The following CA6 variants were observed in gnomAD, a reference collection of about 807,000 sequenced individuals.
The protein encoded by CA6 is carbonate dehydratase VI.
Under a neutral mutation model 35.9 loss-of-function variants are expected in CA6, and 28 were observed. That is an observed-to-expected ratio of 0.78 (90% CI 0.58 to 1.07). The LOEUF (loss-of-function observed/expected upper bound fraction) is 1.07. CA6 is among the 50% of genes least tolerant of loss of function. The probability of loss-of-function intolerance (pLI) is 0.00; values close to 1 mark genes in which losing one functional copy is unlikely to be tolerated. For missense variants in CA6, 377 were observed against 382.0 expected (o/e 0.99, Z 0.11); for synonymous variants, 148 against 152.6 (o/e 0.97, Z 0.22).
rs758491150 is a variant in CA6 at position 8,974,623 on chromosome 1, A to C, written c.846A>C (p.Glu282Asp). ...RVVESNFPNQ[E>D]YTLGSEFQFY... ...TCCGACTAACTCTTCTTTTTACAGA[A>C]TACACTCTAGGCTCTGAATTCCAGT... The change falls in exon 8 of 8, where the codon GAA becomes GAC. Residue 282 changes from glutamate to aspartate, a missense_variant and splice_region_variant. Coordinates refer to ENST00000377443, the MANE Select transcript of CA6 (RefSeq NM_001215.4). 2 of 1,599,800 alleles carry C rather than the reference A, an allele frequency of 1.3e-6. No individual in the cohort carries two copies. Among genetic ancestry groups the C allele is most frequent in the Admixed American group, 3.4e-5 (2 of 58,924 alleles).
chr1:8,969,293 C>G (rs529581031), intron 6 of CA6, among the ~76,000 whole-genome samples: 1 of 152,150 alleles, frequency 6.6e-6, no homozygotes, highest in South Asian at 2.1e-4. Flanking sequence ...CCAGCCTGGG[C>G]AACAGGGCAA....
chr1:8,974,369 T>A (rs763472285), intron 7 of CA6: 2 of 1,532,502 alleles, frequency 1.3e-6, no homozygotes. Context: ...GGGGGCATCG[T>A]GGGAGAAGCC....
At chr1:8,953,710 G>A (rs899454827) in intron 2 of CA6, among the ~76,000 whole-genome samples, 1 of 152,156 alleles carries the variant, frequency 6.6e-6, no homozygotes, top group Non-Finnish European at 1.5e-5. Flanking sequence ...ATTACCAAGA[G>A]CTTGCTTGAT....
intron 2 of CA6, chr1:8,951,815 T>C (rs1009667946): frequency 1.3e-5 from 5 of 370,830 alleles, no homozygotes; most frequent in African/African-American, 9.8e-5. Context: ...ATTATATATA[T>C]ATTAAAAACA....
At chr1:8,957,977 T>C (rs1181528530) in intron 3 of CA6, among the ~76,000 whole-genome samples, 2 of 151,870 alleles carry the variant, frequency 1.3e-5, no homozygotes, top group Admixed American at 1.3e-4. Flanking sequence ...GACTGTGCGA[T>C]GGTAGCAGTT....
intron 1 of CA6, 66 bp downstream of exon 1, chr1:8,946,031 T>C: frequency 1.1e-6 from 1 of 943,048 alleles, no homozygotes; most frequent in Non-Finnish European, 1.6e-6. Flanking sequence ...ACAAGTGCCC[T>C]TCTTCTTCTT....
chr1:8,959,114 T>C lies in CA6; in HGVS notation c.501+112T>C, dbSNP rs1178614964. 7.3e-6 allele frequency: 5 copies of C among 683,780 alleles called. No individual in the cohort carries two copies. The Admixed American group carries it at 1.2e-4, about 16-fold the overall frequency. The allele number at this position is 683,780 out of a possible 1,614,324, so 42.4% of individuals were successfully genotyped here. On this transcript the variant is annotated intron_variant, in intron 4 of 7. Transcript: ENST00000377443. The stretch of plus-strand genomic sequence containing the variant: ...TTTATTATCACTCTTCATCTTTTCC[T>C]GAGCTCACAGTTCTTGGAAACATTG...
chr1:8,957,411 G>A, intron 3 of CA6, 126 bp downstream of exon 3: 1 of 855,120 alleles, frequency 1.2e-6, no homozygotes. Context: ...CACAATCTCA[G>A]CTCACTGCAA....
At chr1:8,954,809 A>T (rs1639630707) in intron 2 of CA6, among the ~76,000 whole-genome samples, 1 of 152,182 alleles carries the variant, frequency 6.6e-6, no homozygotes, top group East Asian at 1.9e-4. Flanking sequence ...CCCTGACCTC[A>T]GGTGATCTGC....
chr1:8,950,265 C>T (rs1350859954), intron 2 of CA6, among the ~76,000 whole-genome samples: 6 of 151,908 alleles, frequency 3.9e-5, no homozygotes, highest in Non-Finnish European at 8.8e-5. Context: ...ATTACAGGCA[C>T]GAGCCACCAT....
In CA6 at chr1:8,967,483, C is replaced by T. The variant is rs559322160; in HGVS notation, c.572-176C>T. 2.0e-3 allele frequency among the ~76,000 whole-genome samples: 298 copies of T among 152,268 alleles called. 7 individuals are homozygous for T. Among genetic ancestry groups the T allele is most frequent in the Admixed American group, 0.019 (290 of 15,284 alleles). The stretch of plus-strand genomic sequence containing the variant: ...GTCTGAGTGCGTCTATCCCCAAAGT[C>T]TCTCCTCTCAATCCCTTCCAGGAAG... On this transcript the variant is annotated intron_variant, in intron 5 of 7. Coordinates refer to ENST00000377443, the MANE Select transcript of CA6 (RefSeq NM_001215.4).
At chr1:8,970,808 AT>A in intron 6 of CA6, 58 bp from the exon 7 acceptor site, 1 of 1,108,942 alleles carries the variant, frequency 9.0e-7, no homozygotes, top group South Asian at 1.2e-5. Context: ...GCCAACTGTT[AT>A]TTCTTTTAAA....
At chr1:8,958,619 C>T (rs1354258663) in intron 3 of CA6, among the ~76,000 whole-genome samples, 1 of 152,234 alleles carries the variant, frequency 6.6e-6, no homozygotes, top group African/African-American at 2.4e-5. Context: ...TCATGTGATC[C>T]CTTCAGACTC....
intron 5 of CA6, among the ~76,000 whole-genome samples, chr1:8,966,355 C>T (rs1464787225): frequency 6.6e-6 from 1 of 152,064 alleles, no homozygotes; most frequent in Admixed American, 6.6e-5. Flanking sequence ...GGTGATCCAC[C>T]CGCCTCGGCC....
rs146732760 is a variant in CA6 at position 8,963,539 on chromosome 1, A to T, written c.571+883A>T. Among the ~76,000 whole-genome samples the T allele has an allele frequency of 7.5e-3, 1,142 of 152,182 alleles. 13 individuals carry two copies. Among genetic ancestry groups the T allele is most frequent in the African/African-American group, 0.026 (1,094 of 41,524 alleles). On this transcript the variant is annotated intron_variant, in intron 5 of 7. Transcript: ENST00000377443. The surrounding 1 kb of genome is among the most constrained non-coding windows in gnomAD (Gnocchi z 4.1). ...AGAAATCCATAGACATCTAACTGGTATTATTATCGTTATTATTTTTGAGAC... is the reference window on the plus strand; with the variant it reads ...AGAAATCCATAGACATCTAACTGGTTTTATTATCGTTATTATTTTTGAGAC...
chr1:8,953,369 AC>A (rs1425517309), intron 2 of CA6, among the ~76,000 whole-genome samples: 1 of 152,052 alleles, frequency 6.6e-6, no homozygotes, highest in Non-Finnish European at 1.5e-5. Context: ...CATGCCTGTA[AC>A]CCCAGCACTT....
rs181012013 is a variant in CA6, at chr1:8,959,644, T to A, written c.501+642T>A. Among the ~76,000 whole-genome samples the A allele has an allele frequency of 2.6e-5, 4 of 150,974 alleles. No individual in the cohort carries two copies. In the East Asian group the frequency reaches 8.2e-4, roughly 31 times the overall value. On this transcript the variant is annotated intron_variant, in intron 4 of 7. Coordinates refer to ENST00000377443, the MANE Select transcript of CA6 (RefSeq NM_001215.4). ...CTCTGCATTTCTAAGAAAGTCTAGA[T>A]GGTGGGGCCGGGCGTGGTGGCTCAC... is the stretch of plus-strand genomic sequence containing the variant.
chr1:8,968,940 C>T (rs978962225), intron 6 of CA6, among the ~76,000 whole-genome samples: 9 of 151,924 alleles, frequency 5.9e-5, no homozygotes, highest in Non-Finnish European at 1.2e-4. Flanking sequence ...ATCACTTGAA[C>T]CTGGGACGTG....
In CA6 at chr1:8,974,907, A is replaced by C. The variant is rs72641583; in HGVS notation, c.*203A>C. 0.015 allele frequency: 6,932 copies of C among 464,942 alleles called. 74 individuals carry two copies. Among genetic ancestry groups the C allele is most frequent in the South Asian group, 0.02 (641 of 32,024 alleles). 28.8% of individuals were successfully genotyped at this position (464,942 alleles called of 1,614,324 possible). On this transcript the variant is annotated 3_prime_UTR_variant, in exon 8 of 8. Coordinates refer to ENST00000377443, the MANE Select transcript of CA6 (RefSeq NM_001215.4). ...ACAGGAAGTGAGATGGCTTCAGTTC[A>C]TGAGACGGGATCTGAGTTAGACATC...
Sources: gnomAD v4.1 joint callset for allele counts (sites outside exome capture counted in the v4.1 genomes callset) on GRCh38, gnomAD v4.1.1 for gene constraint, Gnocchi (gnomAD v3.1) non-coding constraint, MANE v1.5 for transcripts, NCBI Gene and HGNC (gene_info 2026-07-23, HGNC 2026-07-21) for gene names.